The following UBE2E2 variants were observed in gnomAD, a reference collection of about 807,000 sequenced individuals.
UBE2E2 encodes the protein ubiquitin conjugating enzyme E2 E2.
Under a neutral mutation model 24.7 loss-of-function variants are expected in UBE2E2, and 6 were observed. The observed-to-expected ratio is 0.24, with a 90% CI of 0.13 to 0.48. The LOEUF is 0.48. Ranked by LOEUF, UBE2E2 falls within the 20% of genes least tolerant of loss-of-function variation. UBE2E2 has a pLI of 0.99. For missense variants in UBE2E2, 169 were observed against 245.0 expected (o/e 0.69, Z 2.07); for synonymous variants, 104 against 83.6 (o/e 1.24, Z -1.33).
chr3:23,409,527 C>T (rs996991501), intron 3 of UBE2E2, among the ~76,000 whole-genome samples: 2 of 152,082 alleles, frequency 1.3e-5, no homozygotes, highest in African/African-American at 2.4e-5. Flanking sequence ...TATATTTCCC[C>T]TGTAATTATA....
chr3:23,551,212 A>G (rs1695635080), intron 5 of UBE2E2, among the ~76,000 whole-genome samples: 1 of 151,954 alleles, frequency 6.6e-6, no homozygotes, highest in South Asian at 2.1e-4. Flanking sequence ...AGGCAAGAAA[A>G]GAGAATTCAT....
chr3:23,404,503 G>A (rs1192850927), intron 3 of UBE2E2, among the ~76,000 whole-genome samples: 2 of 152,096 alleles, frequency 1.3e-5, no homozygotes, highest in Non-Finnish European at 2.9e-5. Flanking sequence ...TGAGAGCTCT[G>A]AGTTCATTTT....
intron 3 of UBE2E2, among the ~76,000 whole-genome samples, chr3:23,375,027 A>G (rs1486371627): frequency 6.6e-6 from 1 of 152,192 alleles, no homozygotes; most frequent in Non-Finnish European, 1.5e-5. Context: ...CTATAGTAAT[A>G]AATGGCAGAA....
At chr3:23,370,001 A>G (rs1696363044) in intron 3 of UBE2E2, among the ~76,000 whole-genome samples, 1 of 152,180 alleles carries the variant, frequency 6.6e-6, no homozygotes, top group African/African-American at 2.4e-5. Flanking sequence ...CATGTGGGAA[A>G]TGGAAAATGT....
At chr3:23,266,634 C>T (rs1232854315) in intron 3 of UBE2E2, among the ~76,000 whole-genome samples, 1 of 151,910 alleles carries the variant, frequency 6.6e-6, no homozygotes, top group Non-Finnish European at 1.5e-5. Context: ...AGTTGCTCTT[C>T]TCGAGGAGTA....
At chr3:23,496,800 T>TA (rs1220335156) in intron 3 of UBE2E2, among the ~76,000 whole-genome samples, 1 of 152,138 alleles carries the variant, frequency 6.6e-6, no homozygotes, top group East Asian at 1.9e-4. Flanking sequence ...TGCTATGTTG[T>TA]AAAATAGGTG....
In UBE2E2 at chr3:23,321,866, G is replaced by A. The variant is rs144405234; in HGVS notation, c.227+104554G>A. Among the ~76,000 whole-genome samples the A allele has an allele frequency of 8.4e-4, 128 of 151,782 alleles. 1 individual carries two copies. The East Asian group carries it at 0.024, about 28-fold the overall frequency. On this transcript the variant is annotated intron_variant, in intron 3 of 5. Transcript: ENST00000396703. ...TTCTAGAAGTCTAGCCCCTTGAACC[G>A]TTTTTAAAAGCACCACCTTCCAGTG...
chr3:23,504,437 A>T (rs1694382198), intron 4 of UBE2E2, among the ~76,000 whole-genome samples: 2 of 152,132 alleles, frequency 1.3e-5, no homozygotes, highest in South Asian at 4.1e-4. Flanking sequence ...TGATTTTCTC[A>T]GGTTAAATTT....
At chr3:23,286,610 T>C (rs1218055954) in intron 3 of UBE2E2, among the ~76,000 whole-genome samples, 1 of 152,220 alleles carries the variant, frequency 6.6e-6, no homozygotes, top group African/African-American at 2.4e-5. Context: ...TTGCTTTTGC[T>C]TAGAATAGCT....
intron 4 of UBE2E2, among the ~76,000 whole-genome samples, chr3:23,518,374 C>T (rs58336807): frequency 6.6e-6 from 1 of 152,158 alleles, no homozygotes; most frequent in African/African-American, 2.4e-5. Context: ...CCATTAGATA[C>T]AAATAAAATT....
At chr3:23,262,533 G>C (rs1031712138) in intron 3 of UBE2E2, among the ~76,000 whole-genome samples, 10 of 152,010 alleles carry the variant, frequency 6.6e-5, no homozygotes, top group Non-Finnish European at 1.3e-4. Flanking sequence ...CTCCGCCTTG[G>C]TGTCCTAGAG....
At chr3:23,549,798 T>C (rs1695603423) in intron 5 of UBE2E2, among the ~76,000 whole-genome samples, 1 of 152,056 alleles carries the variant, frequency 6.6e-6, no homozygotes, top group Non-Finnish European at 1.5e-5. Flanking sequence ...TTTGGAAGGC[T>C]GAGGTGGGTG....
chr3:23,462,803 G>C (rs1698834302), intron 3 of UBE2E2, among the ~76,000 whole-genome samples: 2 of 152,036 alleles, frequency 1.3e-5, no homozygotes, highest in Non-Finnish European at 1.5e-5. Flanking sequence ...TTTACGTCAG[G>C]GGGTAACTGT....
At chr3:23,287,770 TC>T (rs1698656213) in intron 3 of UBE2E2, among the ~76,000 whole-genome samples, 1 of 139,166 alleles carries the variant, frequency 7.2e-6, no homozygotes, top group Non-Finnish European at 1.7e-5. Context: ...GTAATGTCTC[TC>T]TCTTTTTTTT....
intron 3 of UBE2E2, among the ~76,000 whole-genome samples, chr3:23,266,168 T>A (rs1698042746): frequency 6.6e-6 from 1 of 152,214 alleles, no homozygotes; most frequent in African/African-American, 2.4e-5. Context: ...TATTGTTATG[T>A]GTGAATTTGA....
chr3:23,357,597 C>A (rs17013107), intron 3 of UBE2E2, among the ~76,000 whole-genome samples: 2,100 of 152,178 alleles, frequency 0.014, 52 homozygotes, highest in African/African-American at 0.048. Context: ...GAGGGCATAG[C>A]CTTCCCATTA....
At chr3:23,419,881 G>C (rs1160408572) in intron 3 of UBE2E2, among the ~76,000 whole-genome samples, 1 of 152,106 alleles carries the variant, frequency 6.6e-6, no homozygotes, top group Non-Finnish European at 1.5e-5. Context: ...CCTCTCTCTT[G>C]CTCAGGTCTG....
chr3:23,346,614 C>G (rs1695564664), intron 3 of UBE2E2, among the ~76,000 whole-genome samples: 1 of 152,190 alleles, frequency 6.6e-6, no homozygotes, highest in Admixed American at 6.5e-5. Context: ...ATAAGATGTT[C>G]TCTTTTAAAT....
chr3:23,289,997 C>T (rs1335281818), intron 3 of UBE2E2, among the ~76,000 whole-genome samples: 5 of 152,116 alleles, frequency 3.3e-5, no homozygotes, highest in Admixed American at 1.3e-4. Context: ...CTAAAGAGGA[C>T]TCATTTAAAA....
Sources: gnomAD v4.1 joint callset for allele counts (sites outside exome capture counted in the v4.1 genomes callset) on GRCh38, gnomAD v4.1.1 for gene constraint, MANE v1.5 for transcripts, NCBI Gene and HGNC (gene_info 2026-07-23, HGNC 2026-07-21) for gene names.